Variants in AP3B1 observed in about 807,000 individuals in gnomAD.
AP3B1 encodes adaptor related protein complex 3 subunit beta 1, also known as AP-3 complex subunit beta-1.
A neutral mutation model predicts 132.5 loss-of-function variants in AP3B1; 61 were observed. That is an observed-to-expected ratio of 0.46 (90% CI 0.37 to 0.57). The LOEUF (loss-of-function observed/expected upper bound fraction) is 0.57, where lower values mean the gene tolerates loss of function less well. Among genes scored for constraint, AP3B1 ranks in the 20% least tolerant of loss-of-function variants. AP3B1 has a pLI of 0.00. For synonymous variants in AP3B1, 388 were observed against 438.3 expected (o/e 0.89, Z 1.43); for missense variants, 1,120 against 1,289.4 (o/e 0.87, Z 2.01).
chr5:78,213,121 A>C lies in AP3B1; in HGVS notation c.786+2934T>G, dbSNP rs558320855. On this transcript the variant is annotated intron_variant, in intron 7 of 26. Transcript: ENST00000255194. ...GTCTTGATCTCCTGACCTCGTGATA[A>C]GCCCGCCTCAGCCTCCCAAAGTGCT... Among the ~76,000 whole-genome samples the C allele has an allele frequency of 7.5e-3, 1,131 of 151,790 alleles. 4 individuals carry two copies. Among genetic ancestry groups the C allele is most frequent in the Non-Finnish European group, 0.011 (778 of 67,890 alleles).
intron 19 of AP3B1, among the ~76,000 whole-genome samples, 174 bp from the exon 20 acceptor site, chr5:78,110,528 T>G (rs1751528583): frequency 6.6e-6 from 1 of 152,004 alleles, no homozygotes; most frequent in Non-Finnish European, 1.5e-5. Flanking sequence ...CATACAAATT[T>G]CAAATGCAAA....
intron 6 of AP3B1, among the ~76,000 whole-genome samples, chr5:78,223,154 G>A (rs4133339): frequency 6.6e-6 from 1 of 151,302 alleles, no homozygotes; most frequent in East Asian, 1.9e-4. Context: ...ACAATGGTGC[G>A]TGGCCAGAGC....
At chr5:78,119,378 G>T (rs1404406741) in intron 17 of AP3B1, among the ~76,000 whole-genome samples, 1 of 152,064 alleles carries the variant, frequency 6.6e-6, no homozygotes, top group African/African-American at 2.4e-5. Flanking sequence ...GGCTTCAGAT[G>T]ATCAAACTAC....
intron 22 of AP3B1, among the ~76,000 whole-genome samples, chr5:78,055,059 TTAC>T (rs1748750981): frequency 7.6e-6 from 1 of 131,744 alleles, no homozygotes; most frequent in South Asian, 2.5e-4. Context: ...ACACACACAC[TTAC>T]TTATATAAAC....
At chr5:78,175,287 C>T (rs182559945) in intron 11 of AP3B1, among the ~76,000 whole-genome samples, 3 of 152,310 alleles carry the variant, frequency 2.0e-5, no homozygotes, top group African/African-American at 7.2e-5. Context: ...GCAGAAATCA[C>T]CCATCTTCTG....
At chr5:78,040,098 C>CCATG (rs1221424071) in intron 22 of AP3B1, among the ~76,000 whole-genome samples, 1 of 152,008 alleles carries the variant, frequency 6.6e-6, no homozygotes, top group Non-Finnish European at 1.5e-5. Context: ...AAACTGAAGA[C>CCATG]CATGGCCCCC....
At chr5:78,231,604 T>C (rs1164277738) in intron 3 of AP3B1, among the ~76,000 whole-genome samples, 2 of 152,076 alleles carry the variant, frequency 1.3e-5, no homozygotes, top group African/African-American at 4.8e-5. Context: ...TACCATTATA[T>C]TATGGACCAC....
At chr5:78,236,244 T>C (rs77741372) in intron 3 of AP3B1, among the ~76,000 whole-genome samples, 5,397 of 152,218 alleles carry the variant, frequency 0.035, 170 homozygotes, top group East Asian at 0.13. Context: ...GGAACAATAA[T>C]TGGTATGGAA....
chr5:78,109,970 C>T (rs889001490), intron 20 of AP3B1, among the ~76,000 whole-genome samples: 2 of 151,934 alleles, frequency 1.3e-5, no homozygotes, highest in East Asian at 1.9e-4. Context: ...TCAGCAAAAC[C>T]CCCCCCTTGT....
At chr5:78,166,037 T>C (rs1743605250) in intron 11 of AP3B1, among the ~76,000 whole-genome samples, 1 of 150,800 alleles carries the variant, frequency 6.6e-6, no homozygotes, top group African/African-American at 2.4e-5. Context: ...GGAGAATTGC[T>C]GGAACCCAGG....
intron 1 of AP3B1, among the ~76,000 whole-genome samples, chr5:78,293,898 G>A (rs1749639334): frequency 6.6e-6 from 1 of 152,026 alleles, no homozygotes; most frequent in African/African-American, 2.4e-5. Flanking sequence ...TTGGATTGGT[G>A]TTTTTGTCTG....
intron 21 of AP3B1, among the ~76,000 whole-genome samples, chr5:78,092,940 A>G (rs550779708): frequency 6.6e-6 from 1 of 152,344 alleles, no homozygotes; most frequent in Admixed American, 6.5e-5. Flanking sequence ...ATGAGCCACC[A>G]TGCCAAGCCT....
chr5:78,092,523 A>G (rs992315890), intron 21 of AP3B1, among the ~76,000 whole-genome samples: 6 of 152,228 alleles, frequency 3.9e-5, no homozygotes, highest in East Asian at 1.9e-4. Flanking sequence ...TTAAAATGAA[A>G]TATCATGCCC....
chr5:78,122,295 G>A (rs1318780362), intron 17 of AP3B1, among the ~76,000 whole-genome samples: 2 of 152,196 alleles, frequency 1.3e-5, no homozygotes, highest in African/African-American at 2.4e-5. Flanking sequence ...ACAAGACAGG[G>A]ATGCCCTCTC....
intron 17 of AP3B1, among the ~76,000 whole-genome samples, chr5:78,126,497 T>TA: frequency 1.3e-5 from 1 of 74,568 alleles, no homozygotes; most frequent in Admixed American, 2.2e-4. Flanking sequence ...AGAGCAAGAC[T>TA]CTGTCTCAAA....
At chr5:78,227,719 T>C (rs1245833042) in intron 4 of AP3B1, among the ~76,000 whole-genome samples, 187 bp from the exon 5 acceptor site, 2 of 152,190 alleles carry the variant, frequency 1.3e-5, no homozygotes, top group Non-Finnish European at 1.5e-5. Flanking sequence ...GTTTACTTCT[T>C]TAATAATGTT....
At chr5:78,078,032 C>A (rs770740228) in intron 22 of AP3B1, among the ~76,000 whole-genome samples, 1 of 152,200 alleles carries the variant, frequency 6.6e-6, no homozygotes, top group Non-Finnish European at 1.5e-5. Flanking sequence ...TTACCCATAA[C>A]CTGATGGCTT....
At chr5:78,065,839 C>A (rs1289801576) in intron 22 of AP3B1, among the ~76,000 whole-genome samples, 6 of 152,200 alleles carry the variant, frequency 3.9e-5, no homozygotes, top group Admixed American at 3.9e-4. Flanking sequence ...TTAAGCAGGT[C>A]CCTGATCCTG....
intron 2 of AP3B1, among the ~76,000 whole-genome samples, chr5:78,252,653 G>A (rs4380628): frequency 0.28 from 43,072 of 152,068 alleles, 6,648 homozygotes; most frequent in Middle Eastern, 0.41. Flanking sequence ...AGGGGAGGAA[G>A]AGTGGGAAGC....
Sources: allele counts gnomAD v4.1 joint callset (sites outside exome capture counted in the v4.1 genomes callset), GRCh38; gene constraint gnomAD v4.1.1; transcripts MANE v1.5; gene names NCBI Gene and HGNC (gene_info 2026-07-23, HGNC 2026-07-21).